ERN2: variants seen among roughly 807,000 people sequenced by gnomAD.
ERN2 encodes the protein serine/threonine-protein kinase/endoribonuclease IRE2.
ERN2 carries 111 observed loss-of-function variants against 107.9 expected under a neutral mutation model. The observed-to-expected ratio is 1.03, with a 90% CI of 0.88 to 1.20. ERN2 has a LOEUF of 1.20. Ranked by LOEUF, ERN2 falls within the 50% of genes most tolerant of loss-of-function variation. The pLI is 0.00. For missense variants in ERN2, 1,225 were observed against 1,197.9 expected (o/e 1.02, Z -0.33); for synonymous variants, 524 against 501.7 (o/e 1.04, Z -0.59).
At chr16:23,707,295 C>T (rs1007414976) in intron 4 of ERN2, 73 of 567,648 alleles carry the variant, frequency 1.3e-4, no homozygotes, top group East Asian at 9.4e-4. Context: ...GGCAGTCAGG[C>T]TCCAGAGCCA....
intron 4 of ERN2, 120 bp from the exon 5 acceptor site, chr16:23,707,199 A>G: frequency 1.3e-6 from 1 of 748,194 alleles, no homozygotes; most frequent in Non-Finnish European, 2.4e-6. Context: ...TCCACTTTTC[A>G]GGTAAGGAAA....
chr16:23,713,055 ACC>A, intron 1 of ERN2, 38 bp downstream of exon 1: 1 of 1,440,014 alleles, frequency 6.9e-7, no homozygotes, highest in Non-Finnish European at 9.2e-7. Flanking sequence ...GCGCCCCGCG[ACC>A]AGACTTTGGG....
rs1219152702 is a variant in ERN2, at chr16:23,691,964, T to G, written c.2375A>C (p.Gln792Pro). ...WSRAKQLQFF[Q>P]DVSDWLEKES... ...CCATTCCCAAGCTTTCCTTCTGACC[T>G]GGAAGAACTGGAGTTGCTTGGCTCT... The change falls in exon 19 of 22, where the codon CAG becomes CCG. Residue 792 changes from glutamine (Q) to proline (P), a missense_variant and splice_region_variant. Transcript: ENST00000256797. 2.5e-6 allele frequency: 4 copies of G among 1,612,138 alleles called. No individual in the cohort carries two copies. The highest frequency in any genetic ancestry group is 3.4e-6 in the Non-Finnish European group (4 of 1,179,358).
chr16:23,711,009 G>A lies in ERN2; in HGVS notation c.103C>T (p.Leu35Phe), dbSNP rs139816512. 1.2e-4 allele frequency: 194 copies of A among 1,613,232 alleles called. No individual in the cohort carries two copies. The highest frequency in any genetic ancestry group is 1.6e-4 in the Non-Finnish European group (189 of 1,179,302). Reference sequence around the variant, plus strand: ...ACCAGCAGGAGGTTCTCTGGCCTGAGAGTATGAACCTGCAAGGGGGTAGAG... The same window carrying A: ...ACCAGCAGGAGGTTCTCTGGCCTGAAAGTATGAACCTGCAAGGGGGTAGAG... Reference protein sequence around the residue: ...LGTLSPQVHTLRPENLLLVST... With the variant: ...LGTLSPQVHTFRPENLLLVST... The change falls in exon 2 of 22, where the codon CTC becomes TTC. Residue 35 changes from leucine to phenylalanine, a missense_variant. By Grantham distance (22) the Leu-to-Phe change is conservative. Coordinates refer to ENST00000256797, the MANE Select transcript of ERN2 (RefSeq NM_033266.4).
At position 23,702,130 on chromosome 16, in the gene ERN2, T is replaced by C. The variant is rs754005302; in HGVS notation, c.1203+22A>G. The C allele has an allele frequency of 4.4e-6, 7 of 1,604,486 alleles. No individual in the cohort carries two copies. In the South Asian group the frequency reaches 4.5e-5, roughly 10 times the overall value. ...TCTGCTGGGGCCTCCCTACCCCCAC[T>C]CTCTCCCCTCCCAGCACTGACCTCC... On this transcript the variant is annotated intron_variant, in intron 11 of 21. Coordinates refer to ENST00000256797, the MANE Select transcript of ERN2 (RefSeq NM_033266.4).
chr16:23,712,969 C>A (rs996618878), intron 1 of ERN2, 126 bp downstream of exon 1: 9 of 714,060 alleles, frequency 1.3e-5, no homozygotes, highest in African/African-American at 1.1e-4. Flanking sequence ...CGAGTTGGGA[C>A]CACCCAGGCG....
At chr16:23,702,596 T>G (rs1960132110) in intron 9 of ERN2, 28 bp downstream of exon 9, 1 of 1,613,958 alleles carries the variant, frequency 6.2e-7, no homozygotes, top group Admixed American at 1.7e-5. Flanking sequence ...TCATCCTCTT[T>G]CCAGCCCACT....
rs1960310375 is a variant in ERN2, at chr16:23,706,362, G to A, written c.557C>T (p.Ser186Leu). Residue 186 changes from serine to leucine, a missense_variant, in exon 7 of 22, where the codon TCA becomes TTA. By Grantham distance (145) the Ser-to-Leu change is moderately radical (BLOSUM62 -2). Coordinates refer to ENST00000256797, the MANE Select transcript of ERN2 (RefSeq NM_033266.4). Reference sequence around the variant, plus strand: ...AGGTGAGCCATCCATGGGGGGCGCTGAGTAGCGGCGGTAGGTGGTGTTCCA... The same window carrying A: ...AGGTGAGCCATCCATGGGGGGCGCTAAGTAGCGGCGGTAGGTGGTGTTCCA... ...LRWNTTYRRY[S>L]APPMDGSPGK... 1.3e-6 allele frequency: 2 copies of A among 1,565,234 alleles called. No individual in the cohort carries two copies. Among genetic ancestry groups the A allele is most frequent in the Admixed American group, 2.0e-5 (1 of 50,876 alleles).
At position 23,700,918 on chromosome 16, in the gene ERN2, G is replaced by A. The variant is rs773228629; in HGVS notation, c.1359+41C>T. The A allele has an allele frequency of 1.7e-5, 27 of 1,585,804 alleles. 1 individual carries two copies. The highest frequency in any genetic ancestry group is 1.7e-4 in the Middle Eastern group (1 of 5,938). ...AGTGGTCTCAGAGAGGAGAAGCAGC[G>A]TTCTCCCCAGATAGACCTGAGGTCA... On this transcript the variant is annotated intron_variant, in intron 12 of 21. Coordinates refer to ENST00000256797, the MANE Select transcript of ERN2 (RefSeq NM_033266.4).
At chr16:23,711,996 C>A (rs1352248497) in intron 1 of ERN2, 15 of 448,794 alleles carry the variant, frequency 3.3e-5, no homozygotes, top group South Asian at 2.4e-4. Context: ...GCTCACTCAC[C>A]TGCTCCAGTC....
chr16:23,695,057 A>C lies in ERN2; in HGVS notation c.1862T>G (p.Leu621Arg). 1 of 1,613,730 alleles carries C rather than the reference A, an allele frequency of 6.2e-7. No homozygotes were observed. Reference sequence around the variant, plus strand: ...GTGCAGGTGGGCCAGGCCAGACATCAGCTGCTGCAGCACGACCTCGGGCTC... The same window carrying C: ...GTGCAGGTGGGCCAGGCCAGACATCCGCTGCTGCAGCACGACCTCGGGCTC... ...GLEPEVVLQQ[L>R]MSGLAHLHSL... is the part of the protein sequence containing the mutation. The change falls in exon 16 of 22, where the codon CTG (leucine) becomes CGG (arginine). Residue 621 changes from leucine to arginine, a missense_variant. Leu to Arg is a moderately radical substitution (Grantham distance 102). Transcript: ENST00000256797.
rs745484302 is a variant in ERN2, at chr16:23,692,325, C to T, written c.2107G>A (p.Ala703Thr). ...QLLPPDSPTS[A>T]VDIFSAGCVF... is the part of the protein sequence containing the mutation. ...CAGCCTGCAGAGAAGATGTCCACAG[C>T]GCTGGTCTGGAGCCAGAGAGATGGG... is the stretch of plus-strand genomic sequence containing the variant. The change falls in exon 18 of 22, where the codon GCT becomes ACT. Residue 703 changes from alanine to threonine, a missense_variant. Coordinates refer to ENST00000256797, the MANE Select transcript of ERN2 (RefSeq NM_033266.4). 46 of 1,612,686 alleles carry T rather than the reference C, an allele frequency of 2.9e-5. 1 individual carries two copies. Among genetic ancestry groups the T allele is most frequent in the Admixed American group, 2.2e-4 (13 of 59,994 alleles).
In ERN2 at chr16:23,706,405, T is replaced by C. The variant is rs1023394295; in HGVS notation, c.514A>G (p.Arg172Gly). 6.3e-7 allele frequency: 1 copy of C among 1,575,310 alleles called. No individual in the cohort carries two copies. The highest frequency in any genetic ancestry group is 1.3e-5 in the African/African-American group (1 of 74,090). Residue 172 changes from arginine to glycine, a missense_variant, in exon 7 of 22, where the codon AGA (arginine) becomes GGA (glycine). Physicochemically the swap from Arg to Gly is moderately radical, Grantham distance 125. Coordinates refer to ENST00000256797, the MANE Select transcript of ERN2 (RefSeq NM_033266.4). Reference protein sequence around the residue: ...TQYTVTMHDPRAPALRWNTTY... With the variant: ...TQYTVTMHDPGAPALRWNTTY... ...GTGTTCCAGCGCAGGGCTGGGGCTC[T>C]TGGGTCATGCATGGTGACCGTATAC...
At chr16:23,691,837 A>C in intron 19 of ERN2, 126 bp downstream of exon 19, 3 of 1,327,718 alleles carry the variant, frequency 2.3e-6, no homozygotes, top group Non-Finnish European at 3.1e-6. Context: ...GTTTAGGGAA[A>C]GAGCCAGGCT....
chr16:23,702,985 A>T (rs574693536), intron 8 of ERN2, among the ~76,000 whole-genome samples: 3 of 152,124 alleles, frequency 2.0e-5, no homozygotes, highest in African/African-American at 7.2e-5. Context: ...TTAATCCCCC[A>T]TAGGTCAAAC....
At chr16:23,709,212 C>T (rs895940097) in intron 4 of ERN2, 2 of 455,182 alleles carry the variant, frequency 4.4e-6, no homozygotes, top group Non-Finnish European at 8.8e-6. Context: ...GCGAGGATTG[C>T]TTGAGGCCAG....
chr16:23,707,378 A>C (rs771433418), intron 4 of ERN2: 8 of 393,988 alleles, frequency 2.0e-5, no homozygotes, highest in Non-Finnish European at 3.3e-5. Context: ...TCAAGGTATC[A>C]TGTGAGCCAC....
intron 13 of ERN2, among the ~76,000 whole-genome samples, chr16:23,698,136 C>A (rs1959904864): frequency 6.6e-6 from 1 of 152,202 alleles, no homozygotes; most frequent in African/African-American, 2.4e-5. Flanking sequence ...TTGGGGAACA[C>A]TTACAGTCAG....
chr16:23,699,126 C>A (rs1959945013), intron 13 of ERN2, among the ~76,000 whole-genome samples: 1 of 152,102 alleles, frequency 6.6e-6, no homozygotes, highest in Non-Finnish European at 1.5e-5. Context: ...ACAAAAACTA[C>A]AACAGCTCAG....
Sources: allele counts gnomAD v4.1 joint callset (sites outside exome capture counted in the v4.1 genomes callset), GRCh38; gene constraint gnomAD v4.1.1; transcripts MANE v1.5; gene names NCBI Gene and HGNC (gene_info 2026-07-23, HGNC 2026-07-21).